The following CACNA2D1 variants were observed in gnomAD, a reference collection of about 807,000 sequenced individuals.
The protein encoded by CACNA2D1 is voltage-dependent calcium channel subunit alpha-2/delta-1.
In CACNA2D1, 53 loss-of-function variants were observed where a neutral mutation model predicts 171.5. The ratio of observed to expected loss-of-function variants is 0.31; its 90% CI spans 0.25 to 0.39. The LOEUF is 0.39. CACNA2D1 is among the 10% of genes least tolerant of loss of function. The pLI is 1.00. For missense variants in CACNA2D1, 903 were observed against 1,299.8 expected, an observed-to-expected ratio of 0.69 and a Z score of 4.69; for synonymous variants, 442 against 443.1, an observed-to-expected ratio of 1.00 and a Z score of 0.03.
chr7:82,416,177 T>C (rs2129456166), intron 1 of CACNA2D1, among the ~76,000 whole-genome samples: 1 of 152,142 alleles, frequency 6.6e-6, no homozygotes, highest in East Asian at 1.9e-4. Flanking sequence ...ATCGTGCCAC[T>C]GCACTCCAAC....
At chr7:82,156,882 T>A (rs1215762042) in intron 4 of CACNA2D1, among the ~76,000 whole-genome samples, 1 of 152,114 alleles carries the variant, frequency 6.6e-6, no homozygotes, top group Non-Finnish European at 1.5e-5. Flanking sequence ...CTGACTAGCA[T>A]CAACATAATT....
At chr7:81,981,858 A>G (rs1796470664) in intron 24 of CACNA2D1, among the ~76,000 whole-genome samples, 1 of 152,192 alleles carries the variant, frequency 6.6e-6, no homozygotes, top group East Asian at 1.9e-4. Context: ...AAAGCTATGT[A>G]AAGCAATGCC....
intron 4 of CACNA2D1, among the ~76,000 whole-genome samples, chr7:82,140,729 GT>G (rs1327801486): frequency 6.6e-6 from 1 of 152,028 alleles, no homozygotes; most frequent in African/African-American, 2.4e-5. Flanking sequence ...GCCGAGGCGG[GT>G]GGATCACAAG....
rs37108 is a variant in CACNA2D1 at position 81,997,321 on chromosome 7, C to T, written c.1591-71G>A. On this transcript the variant is annotated intron_variant, in intron 18 of 38. Transcript: ENST00000356860. ...TGATGCTGTGTATAAAACAATTTAA[C>T]GGGTATTTATGAAATTGTGCAAAAA... is the stretch of plus-strand genomic sequence containing the variant. 7.7e-3 allele frequency: 7,778 copies of T among 1,010,522 alleles called. 237 individuals carry two copies. The highest frequency in any genetic ancestry group is 0.077 in the African/African-American group (4,848 of 63,224). 62.6% of individuals were successfully genotyped at this position (1,010,522 alleles called of 1,614,324 possible).
rs181178595 is a variant in CACNA2D1 at position 82,337,011 on chromosome 7, G to A, written c.178-1760C>T. ...TATTAAGTCTCTACATACATGTGCC[G>A]GACATATTAATTACTTGGTGCTTTA... On this transcript the variant is annotated intron_variant, in intron 2 of 38. Coordinates refer to ENST00000356860, the MANE Select transcript of CACNA2D1 (RefSeq NM_000722.4). 7.1e-3 allele frequency among the ~76,000 whole-genome samples: 1,078 copies of A among 152,002 alleles called. 16 individuals carry two copies. Among genetic ancestry groups the A allele is most frequent in the African/African-American group, 0.025 (1,027 of 41,470 alleles).
chr7:82,363,688 G>A (rs1355655525), intron 1 of CACNA2D1, among the ~76,000 whole-genome samples: 2 of 123,496 alleles, frequency 1.6e-5, no homozygotes, highest in African/African-American at 5.2e-5. Flanking sequence ...AGCAACTAAG[G>A]GCGAAATAAG....
chr7:82,184,367 A>G (rs929696258), intron 3 of CACNA2D1, among the ~76,000 whole-genome samples: 1 of 152,206 alleles, frequency 6.6e-6, no homozygotes, highest in East Asian at 1.9e-4. Context: ...AACATCATCC[A>G]CTAATAATCT....
At chr7:82,074,106 G>C (rs1356238231) in intron 7 of CACNA2D1, among the ~76,000 whole-genome samples, 1 of 152,240 alleles carries the variant, frequency 6.6e-6, no homozygotes, top group Non-Finnish European at 1.5e-5. Context: ...CGTAGATTGA[G>C]TTAGAATCTT....
chr7:81,970,261 C>CCT (rs1795132979), intron 27 of CACNA2D1, among the ~76,000 whole-genome samples: 1 of 151,368 alleles, frequency 6.6e-6, no homozygotes, highest in Admixed American at 6.6e-5. Flanking sequence ...TGTTAGTAAG[C>CCT]ATTGGTGCCT....
intron 3 of CACNA2D1, among the ~76,000 whole-genome samples, chr7:82,282,876 G>T (rs1019514012): frequency 1.3e-5 from 2 of 152,124 alleles, no homozygotes; most frequent in African/African-American, 4.8e-5. Flanking sequence ...GGTACACCAT[G>T]CACATTCCTA....
chr7:82,414,806 C>G (rs562974154), intron 1 of CACNA2D1, among the ~76,000 whole-genome samples: 1 of 152,294 alleles, frequency 6.6e-6, no homozygotes, highest in Admixed American at 6.5e-5. Context: ...TCCATACACC[C>G]TAGAAGTGGA....
At chr7:82,296,234 A>G (rs1812271776) in intron 3 of CACNA2D1, among the ~76,000 whole-genome samples, 1 of 151,936 alleles carries the variant, frequency 6.6e-6, no homozygotes, top group Non-Finnish European at 1.5e-5. Context: ...CATTGTGCAC[A>G]CGTACCCTAA....
chr7:81,981,419 A>T (rs1195490406), intron 24 of CACNA2D1, among the ~76,000 whole-genome samples: 4 of 152,208 alleles, frequency 2.6e-5, no homozygotes, highest in Non-Finnish European at 1.5e-5. Flanking sequence ...GGCATTCAAA[A>T]AGCCAAGAAT....
At chr7:82,389,051 G>A (rs1436629654) in intron 1 of CACNA2D1, among the ~76,000 whole-genome samples, 2 of 151,392 alleles carry the variant, frequency 1.3e-5, no homozygotes, top group Non-Finnish European at 2.9e-5. Flanking sequence ...GGGAGGTGGA[G>A]GTTGCAGTGA....
chr7:82,363,116 C>T (rs7778464), intron 1 of CACNA2D1, among the ~76,000 whole-genome samples: 6,829 of 151,984 alleles, frequency 0.045, 517 homozygotes, highest in African/African-American at 0.16. Context: ...ATAAAAATTT[C>T]AGAAAAGAAA....
intron 1 of CACNA2D1, among the ~76,000 whole-genome samples, chr7:82,437,672 C>A (rs898223831): frequency 6.7e-6 from 1 of 148,516 alleles, no homozygotes; most frequent in African/African-American, 2.4e-5. Flanking sequence ...CAAAGTCAAT[C>A]TTTTCCTCGT....
chr7:82,315,762 A>G (rs1355919878), intron 3 of CACNA2D1, among the ~76,000 whole-genome samples: 1 of 152,198 alleles, frequency 6.6e-6, no homozygotes, highest in Non-Finnish European at 1.5e-5. Context: ...TGAATAATAG[A>G]TAAGACAAAC....
intron 6 of CACNA2D1, among the ~76,000 whole-genome samples, chr7:82,098,467 C>T (rs1812198536): frequency 6.6e-6 from 1 of 152,114 alleles, no homozygotes; most frequent in Non-Finnish European, 1.5e-5. Context: ...TGATGTAAAT[C>T]ATGTACCCAG....
At chr7:82,427,926 C>T (rs540660010) in intron 1 of CACNA2D1, among the ~76,000 whole-genome samples, 49 of 152,216 alleles carry the variant, frequency 3.2e-4, no homozygotes, top group African/African-American at 1.0e-3. Flanking sequence ...CAATGGCTCA[C>T]GCCTGTATTC....
Sources: gnomAD v4.1 joint callset for allele counts (sites outside exome capture counted in the v4.1 genomes callset) on GRCh38, gnomAD v4.1.1 for gene constraint, MANE v1.5 for transcripts, NCBI Gene and HGNC (gene_info 2026-07-23, HGNC 2026-07-21) for gene names.